Variants in PALM2AKAP2 observed in about 807,000 individuals in gnomAD.
PALM2AKAP2 encodes the protein PALM2-AKAP2 fusion protein.
In PALM2AKAP2, 37 loss-of-function variants were observed where a neutral mutation model predicts 71.5. That is an observed-to-expected ratio of 0.52 (90% CI 0.40 to 0.68). PALM2AKAP2 has a LOEUF of 0.68. Ranked by LOEUF, PALM2AKAP2 falls within the 30% of genes least tolerant of loss-of-function variation. The pLI, the probability that PALM2AKAP2 is intolerant of heterozygous loss-of-function variation, is 0.00. For missense variants in PALM2AKAP2, 1,224 were observed against 1,191.8 expected (o/e 1.03, Z -0.40); for synonymous variants, 468 against 478.8 (o/e 0.98, Z 0.29).
chr9:110,002,220 A>G (rs77597050), intron 6 of PALM2AKAP2, among the ~76,000 whole-genome samples: 2 of 151,786 alleles, frequency 1.3e-5, no homozygotes, highest in East Asian at 1.9e-4. Flanking sequence ...AGTTTTTAGC[A>G]TGAAGGTTGT....
At chr9:109,761,977 C>T (rs1829061180) in intron 1 of PALM2AKAP2, among the ~76,000 whole-genome samples, 1 of 152,106 alleles carries the variant, frequency 6.6e-6, no homozygotes, top group Non-Finnish European at 1.5e-5. Flanking sequence ...CGAGTCAAAA[C>T]CACAATGAGA....
rs541817721 is a variant in PALM2AKAP2, at chr9:110,096,320, G to A, written c.157-39807G>A. Among the ~76,000 whole-genome samples the A allele has an allele frequency of 4.6e-5, 7 of 151,978 alleles. No individual in the cohort carries two copies. In the South Asian group the frequency reaches 8.3e-4, roughly 18 times the overall value. On this transcript the variant is annotated intron_variant, in intron 1 of 3. Coordinates refer to ENST00000374525, the Ensembl canonical transcript of PALM2AKAP2. ...GCTCTGTTGCCCAGGTTGGAGTACA[G>A]TAGCAGGTTCATATGTCACTGTAGC...
chr9:110,038,020 A>G (rs1369453135), intron 7 of PALM2AKAP2, among the ~76,000 whole-genome samples: 1 of 152,182 alleles, frequency 6.6e-6, no homozygotes. Flanking sequence ...ATGAGAACGA[A>G]CCTTAAAAGA....
intron 2 of PALM2AKAP2, among the ~76,000 whole-genome samples, chr9:109,867,901 C>T (rs1829498740): frequency 6.6e-6 from 1 of 152,146 alleles, no homozygotes; most frequent in Non-Finnish European, 1.5e-5. Flanking sequence ...TTGTTTCTCC[C>T]ATGCATAGGT....
chr9:110,045,335 C>A (rs1036490900), upstream of PALM2AKAP2, among the ~76,000 whole-genome samples: 1 of 152,078 alleles, frequency 6.6e-6, no homozygotes, highest in Non-Finnish European at 1.5e-5. Context: ...AGTAAATATG[C>A]TTCTTTTATT....
chr9:110,098,767 G>A (rs766011266), intron 1 of PALM2AKAP2, among the ~76,000 whole-genome samples: 18 of 152,300 alleles, frequency 1.2e-4, no homozygotes, highest in Non-Finnish European at 2.1e-4. Flanking sequence ...GAATCGTGAC[G>A]TGACCTAAGG....
intron 7 of PALM2AKAP2, among the ~76,000 whole-genome samples, chr9:110,021,557 A>C (rs1194146857): frequency 2.0e-5 from 3 of 151,994 alleles, no homozygotes; most frequent in African/African-American, 7.3e-5. Context: ...GATCCACATA[A>C]TTTTCTTATT....
chr9:110,052,967 C>G (rs531416293), intron 1 of PALM2AKAP2, among the ~76,000 whole-genome samples: 1 of 152,288 alleles, frequency 6.6e-6, no homozygotes, highest in East Asian at 1.9e-4. Context: ...AAGTTAAGTG[C>G]CAGAAAAGAA....
intron 1 of PALM2AKAP2, among the ~76,000 whole-genome samples, chr9:110,120,627 C>T (rs1293899509): frequency 6.6e-6 from 1 of 152,214 alleles, no homozygotes; most frequent in African/African-American, 2.4e-5. Context: ...CCTCAGCCTC[C>T]CGAGTAGCTG....
intron 6 of PALM2AKAP2, among the ~76,000 whole-genome samples, chr9:109,979,047 T>A (rs1832220735): frequency 6.6e-6 from 1 of 151,738 alleles, no homozygotes; most frequent in Non-Finnish European, 1.5e-5. Flanking sequence ...TGGAGTGCAG[T>A]GGTGCAATCT....
At chr9:110,035,565 A>G (rs1474887686) in intron 7 of PALM2AKAP2, among the ~76,000 whole-genome samples, 1 of 143,750 alleles carries the variant, frequency 7.0e-6, no homozygotes, top group Non-Finnish European at 1.5e-5. Flanking sequence ...TAACATATAT[A>G]GGATATGTTG....
chr9:110,048,711 C>A, exon 1 of PALM2AKAP2: 1 of 1,547,664 alleles, frequency 6.5e-7, no homozygotes, highest in Non-Finnish European at 8.7e-7. Context: ...TGCGCTGGCC[C>A]CAGCCCGGGG....
At chr9:110,047,316 GA>G (rs1200925490), upstream of PALM2AKAP2, among the ~76,000 whole-genome samples, 1 of 152,212 alleles carries the variant, frequency 6.6e-6, no homozygotes, top group African/African-American at 2.4e-5. Flanking sequence ...TTCCTTGGGT[GA>G]AAGTGTGAAT....
At chr9:109,672,657 T>G (rs1046919285) in intron 1 of PALM2AKAP2, among the ~76,000 whole-genome samples, 1 of 152,144 alleles carries the variant, frequency 6.6e-6, no homozygotes, top group African/African-American at 2.4e-5. Flanking sequence ...GCTCATTTTT[T>G]GGGAATAGTT....
intron 1 of PALM2AKAP2, among the ~76,000 whole-genome samples, chr9:109,744,906 C>T (rs1344932975): frequency 6.6e-6 from 1 of 152,206 alleles, no homozygotes; most frequent in Non-Finnish European, 1.5e-5. Context: ...GCTCTCTCCT[C>T]TCTTCCGGAA....
At chr9:109,839,983 A>G (rs1360393080) in intron 1 of PALM2AKAP2, among the ~76,000 whole-genome samples, 2 of 152,212 alleles carry the variant, frequency 1.3e-5, no homozygotes, top group Non-Finnish European at 2.9e-5. Flanking sequence ...CAAGCTACCA[A>G]TGACTTTCTT....
Position 110,005,296 on chromosome 9 carries a change from G to C in PALM2AKAP2, c.497-10658G>C, listed in dbSNP as rs150286207. Among the ~76,000 whole-genome samples the C allele has an allele frequency of 1.1e-4, 16 of 152,360 alleles. No homozygotes were observed. In the East Asian group the frequency reaches 3.1e-3, roughly 29 times the overall value. ...TGGAGTTTGGTGAAAGTCCACTCCA[G>C]ATCCTGTTTGCCTGGGTATCTGCAG... On this transcript the variant is annotated intron_variant, in intron 6 of 9. Transcript: ENST00000302798.
At chr9:109,747,112 A>G (rs1156933053) in intron 1 of PALM2AKAP2, among the ~76,000 whole-genome samples, 3 of 152,226 alleles carry the variant, frequency 2.0e-5, no homozygotes, top group Non-Finnish European at 4.4e-5. Context: ...TATTGCTAAT[A>G]ATAAAAGCCA....
At chr9:109,675,851 G>T (rs1032878667) in intron 1 of PALM2AKAP2, among the ~76,000 whole-genome samples, 4 of 152,098 alleles carry the variant, frequency 2.6e-5, no homozygotes, top group African/African-American at 9.7e-5. Context: ...ACTTACCTAT[G>T]CCTTGTCCCC....
Sources: gnomAD v4.1 joint callset for allele counts (sites outside exome capture counted in the v4.1 genomes callset) on GRCh38, gnomAD v4.1.1 for gene constraint, MANE v1.5 for transcripts, NCBI Gene and HGNC (gene_info 2026-07-23, HGNC 2026-07-21) for gene names.